UBA6: variants seen among roughly 807,000 people sequenced by gnomAD.
The protein encoded by UBA6 is ubiquitin-like modifier-activating enzyme 6.
UBA6 carries 87 observed loss-of-function variants against 148.3 expected under a neutral mutation model. The ratio of observed to expected loss-of-function variants is 0.59; its 90% CI spans 0.49 to 0.70. The LOEUF is 0.70. Ranked by LOEUF, UBA6 falls within the 30% of genes least tolerant of loss-of-function variation. The pLI is 0.00. For synonymous variants in UBA6, 376 were observed against 401.0 expected, an observed-to-expected ratio of 0.94 and a Z score of 0.75; for missense variants, 1,186 against 1,241.2, an observed-to-expected ratio of 0.96 and a Z score of 0.67.
rs79128168 is a variant in UBA6, at chr4:67,614,328, C to A, written c.*4669G>T. On this transcript the variant is annotated 3_prime_UTR_variant, in exon 33 of 33. Coordinates refer to ENST00000322244, the MANE Select transcript of UBA6 (RefSeq NM_018227.6). ...TAAAACCAAGATGTACTCTGACCAC[C>A]TGGGGCACATGTTCTCTGGACCTCC... The A allele has an allele frequency of 0.022, 3,279 of 152,280 alleles. 104 individuals carry two copies. Among genetic ancestry groups the A allele is most frequent in the East Asian group, 0.11 (562 of 5,186 alleles). 9.4% of individuals were successfully genotyped at this position (152,280 alleles called of 1,614,324 possible).
intron 6 of UBA6, among the ~76,000 whole-genome samples, chr4:67,674,236 A>G (rs1730221759): frequency 6.6e-6 from 1 of 152,170 alleles, no homozygotes; most frequent in South Asian, 2.1e-4. Flanking sequence ...TCTAGCTTGC[A>G]ATATGGTTTG....
intron 13 of UBA6, among the ~76,000 whole-genome samples, chr4:67,651,595 T>C (rs1729555317): frequency 6.6e-6 from 1 of 152,074 alleles, no homozygotes; most frequent in Admixed American, 6.5e-5. Flanking sequence ...CTTACAAGTA[T>C]GAAAACTACA....
chr4:67,654,192 CAA>C (rs933232812), intron 13 of UBA6, among the ~76,000 whole-genome samples: 5 of 152,118 alleles, frequency 3.3e-5, no homozygotes, highest in Non-Finnish European at 7.4e-5. Context: ...GAGAACAACA[CAA>C]AGATACTCCT....
intron 13 of UBA6, among the ~76,000 whole-genome samples, chr4:67,654,332 G>C (rs746087727): frequency 6.6e-6 from 1 of 152,184 alleles, no homozygotes; most frequent in Non-Finnish European, 1.5e-5. Flanking sequence ...GACTAACAGC[G>C]GATCTCTTGG....
chr4:67,626,323 T>C (rs368536367), intron 28 of UBA6, 37 bp downstream of exon 28: 8 of 1,313,104 alleles, frequency 6.1e-6, no homozygotes, highest in South Asian at 1.2e-5. Flanking sequence ...TAAAAACTCA[T>C]CCAGTTCAAA....
At chr4:67,692,027 T>G (rs1030225868) in intron 2 of UBA6, among the ~76,000 whole-genome samples, 6 of 152,312 alleles carry the variant, frequency 3.9e-5, no homozygotes, top group African/African-American at 1.4e-4. Context: ...ATTCTTTTTT[T>G]TCCATAGGTT....
intron 4 of UBA6, among the ~76,000 whole-genome samples, chr4:67,681,114 G>A (rs920666489): frequency 1.1e-4 from 16 of 152,148 alleles, no homozygotes; most frequent in Non-Finnish European, 2.1e-4. Flanking sequence ...TGTTGCTTAA[G>A]CTACAAATTT....
intron 1 of UBA6, 109 bp downstream of exon 1, chr4:67,700,940 G>T: frequency 7.2e-7 from 1 of 1,387,004 alleles, no homozygotes; most frequent in Non-Finnish European, 1.0e-6. Flanking sequence ...GGCTCTGCTC[G>T]GCCCCGCGGC....
chr4:67,664,945 C>G (rs1473073433), intron 10 of UBA6, among the ~76,000 whole-genome samples: 1 of 151,970 alleles, frequency 6.6e-6, no homozygotes, highest in African/African-American at 2.4e-5. Flanking sequence ...CCATTTAGCT[C>G]AACTATATGT....
At position 67,665,295 on chromosome 4, in the gene UBA6, A is replaced by G; in HGVS notation, c.794-3T>C. ...ACTAAAAGAAAATGGCGATATCACT[A>G]GAAGACAAAAAATTTAAAAAATCAT... On this transcript the variant is annotated splice_polypyrimidine_tract_variant and splice_region_variant and intron_variant, in intron 9 of 32. Coordinates refer to ENST00000322244, the MANE Select transcript of UBA6 (RefSeq NM_018227.6). 6.4e-7 allele frequency: 1 copy of G among 1,572,620 alleles called. No individual in the cohort carries two copies. The highest frequency in any genetic ancestry group is 8.6e-7 in the Non-Finnish European group (1 of 1,161,262).
At chr4:67,651,004 G>A (rs28627513) in intron 13 of UBA6, among the ~76,000 whole-genome samples, 23,068 of 152,052 alleles carry the variant, frequency 0.15, 1,823 homozygotes, top group South Asian at 0.22. Context: ...AGTATCCTAA[G>A]AGAAGAGAAT....
At chr4:67,666,718 TAAA>T (rs1447817581) in intron 9 of UBA6, among the ~76,000 whole-genome samples, 2 of 151,540 alleles carry the variant, frequency 1.3e-5, no homozygotes, top group Non-Finnish European at 2.9e-5. Flanking sequence ...TCTACAAAAA[TAAA>T]AAAGTTAGCC....
At position 67,681,485 on chromosome 4, in the gene UBA6, T is replaced by C. The variant is rs975812584; in HGVS notation, c.258+78A>G. The C allele has an allele frequency of 3.3e-6, 3 of 917,502 alleles. No homozygotes were observed. In the African/African-American group the frequency reaches 5.3e-5, roughly 16 times the overall value. 56.8% of individuals were successfully genotyped at this position (917,502 alleles called of 1,614,324 possible). ...ATTAAAGACAATAATTAAAACAAAG[T>C]ATAAACAATATTACCATAACAAATG... On this transcript the variant is annotated intron_variant, in intron 4 of 32. Coordinates refer to ENST00000322244, the MANE Select transcript of UBA6 (RefSeq NM_018227.6).
intron 13 of UBA6, among the ~76,000 whole-genome samples, chr4:67,660,000 G>T (rs573527491): frequency 1.1e-4 from 16 of 152,278 alleles, no homozygotes; most frequent in African/African-American, 3.9e-4. Flanking sequence ...GAACTTGAGA[G>T]AGATGATTTA....
chr4:67,677,741 T>A lies in UBA6; in HGVS notation c.354-19A>T, dbSNP rs540068751. ...TTCAGCCCTAAAAAAATAAAATAAA[T>A]TTTTACTGTTCTTTAATTCAATATA... On this transcript the variant is annotated intron_variant, in intron 5 of 32. Transcript: ENST00000322244. The A allele has an allele frequency of 5.2e-6, 7 of 1,348,834 alleles. No homozygotes were observed. In the African/African-American group the frequency reaches 8.9e-5, roughly 17 times the overall value. 83.6% of individuals were successfully genotyped at this position (1,348,834 alleles called of 1,614,324 possible).
chr4:67,627,544 C>G (rs1423990801), intron 27 of UBA6, among the ~76,000 whole-genome samples: 3 of 151,948 alleles, frequency 2.0e-5, no homozygotes, highest in African/African-American at 7.2e-5. Context: ...TGGCTTCTCT[C>G]TAGTTTTGCC....
At chr4:67,676,131 C>T (rs1163906759) in intron 6 of UBA6, among the ~76,000 whole-genome samples, 2 of 147,706 alleles carry the variant, frequency 1.4e-5, no homozygotes, top group Non-Finnish European at 3.0e-5. Flanking sequence ...TCAAGCGATT[C>T]TCCTGCCTCA....
At position 67,678,493 on chromosome 4, in the gene UBA6, TC is replaced by T; in HGVS notation, c.298del (p.Asp100IlefsTer2). The T allele has an allele frequency of 6.3e-7, 1 of 1,598,964 alleles. No individual in the cohort carries two copies. Among genetic ancestry groups the T allele is most frequent in the Non-Finnish European group, 8.5e-7 (1 of 1,171,122 alleles). On this transcript the variant is annotated frameshift_variant, in exon 5 of 33. Coordinates refer to ENST00000322244, the MANE Select transcript of UBA6 (RefSeq NM_018227.6). LOFTEE classifies it high-confidence loss of function. ...ACTGAGAAAGAAGTTGGTTCCTAGA[TC>T]CCATGCTTGGCATTTTTCTGTATCA... ...IHDTEKCQAWDLGTNFFLSED... is the reference protein window; with the variant it reads ...IHDTEKCQAWXLGTNFFLSED...
chr4:67,626,770 C>T (rs1160350667), intron 27 of UBA6, among the ~76,000 whole-genome samples: 1 of 151,760 alleles, frequency 6.6e-6, no homozygotes, highest in East Asian at 1.9e-4. Context: ...ATTTTTAATA[C>T]CCACAATGAT....
Sources: allele counts gnomAD v4.1 joint callset (sites outside exome capture counted in the v4.1 genomes callset), GRCh38; gene constraint gnomAD v4.1.1; transcripts MANE v1.5; gene names NCBI Gene and HGNC (gene_info 2026-07-23, HGNC 2026-07-21).